CHST11: variants seen among roughly 807,000 people sequenced by gnomAD.
CHST11 encodes C4S-1.
CHST11 carries 9 observed loss-of-function variants against 30.4 expected under a neutral mutation model. The observed-to-expected ratio is 0.30, with a 90% confidence interval of 0.18 to 0.52. The LOEUF is 0.52. CHST11 is among the 20% of genes least tolerant of loss of function. The pLI, the probability that CHST11 is intolerant of heterozygous loss-of-function variation, is 0.97. For missense variants in CHST11, 348 were observed against 460.6 expected (o/e 0.76, Z 2.24); for synonymous variants, 152 against 187.8 (o/e 0.81, Z 1.56).
intron 1 of CHST11, among the ~76,000 whole-genome samples, chr12:104,493,530 A>G (rs969758262): frequency 2.6e-5 from 4 of 152,160 alleles, no homozygotes; most frequent in Admixed American, 6.5e-5. Context: ...TCCTGGTGAG[A>G]GGGGTGGAAA....
At chr12:104,603,498 C>G (rs1017369646) in intron 2 of CHST11, among the ~76,000 whole-genome samples, 1 of 152,220 alleles carries the variant, frequency 6.6e-6, no homozygotes, top group Non-Finnish European at 1.5e-5. Flanking sequence ...TAACACAGGG[C>G]TCTCAAATAC....
chr12:104,537,060 G>A (rs140908034), intron 1 of CHST11, among the ~76,000 whole-genome samples: 6 of 152,336 alleles, frequency 3.9e-5, no homozygotes, highest in African/African-American at 7.2e-5. Flanking sequence ...GTGCATGGCT[G>A]CCCTCTGGTT....
intron 1 of CHST11, among the ~76,000 whole-genome samples, chr12:104,548,115 G>A (rs1223358496): frequency 1.3e-5 from 2 of 152,204 alleles, no homozygotes; most frequent in Non-Finnish European, 2.9e-5. Flanking sequence ...CTTGTTGCCA[G>A]ACTGTAAACT....
At chr12:104,666,795 A>G (rs1477526405) in intron 2 of CHST11, among the ~76,000 whole-genome samples, 1 of 152,182 alleles carries the variant, frequency 6.6e-6, no homozygotes, top group African/African-American at 2.4e-5. Flanking sequence ...CTCATCAGAG[A>G]GGCGGGGCAA....
At chr12:104,609,138 G>C (rs142229294) in intron 2 of CHST11, among the ~76,000 whole-genome samples, 65 of 152,330 alleles carry the variant, frequency 4.3e-4, no homozygotes, top group African/African-American at 1.5e-3. Context: ...AGCAGACTTT[G>C]TACTGTCCCC....
intron 2 of CHST11, among the ~76,000 whole-genome samples, chr12:104,623,383 G>C (rs184623587): frequency 3.9e-5 from 6 of 152,226 alleles, no homozygotes; most frequent in South Asian, 2.1e-4. Context: ...TATTGCTGAT[G>C]TACGGTCGAG....
At chr12:104,690,741 A>G (rs1347715394) in intron 2 of CHST11, among the ~76,000 whole-genome samples, 1 of 152,178 alleles carries the variant, frequency 6.6e-6, no homozygotes, top group Admixed American at 6.5e-5. Flanking sequence ...AGGTGGGAGG[A>G]TCATCCAAGC....
chr12:104,672,212 AG>A (rs2039703539), intron 2 of CHST11, among the ~76,000 whole-genome samples: 1 of 151,222 alleles, frequency 6.6e-6, no homozygotes, highest in Non-Finnish European at 1.5e-5. Flanking sequence ...TGGCCTGCAC[AG>A]GGGGGTGGAC....
At chr12:104,620,548 G>C (rs980824279) in intron 2 of CHST11, among the ~76,000 whole-genome samples, 27 of 152,216 alleles carry the variant, frequency 1.8e-4, no homozygotes, top group African/African-American at 6.0e-4. Context: ...TGAGAGATCA[G>C]TACAGTAAAA....
intron 2 of CHST11, among the ~76,000 whole-genome samples, chr12:104,735,765 T>A (rs537900131): frequency 6.6e-6 from 1 of 152,186 alleles, no homozygotes; most frequent in Non-Finnish European, 1.5e-5. Context: ...AGGATGCAGA[T>A]GCTGGGTGCC....
chr12:104,607,085 A>T (rs1038003190), intron 2 of CHST11, among the ~76,000 whole-genome samples: 11 of 151,976 alleles, frequency 7.2e-5, no homozygotes, highest in Non-Finnish European at 1.2e-4. Context: ...TAAATAAATA[A>T]ATATATAAAT....
At chr12:104,490,742 C>A (rs1205118625) in intron 1 of CHST11, among the ~76,000 whole-genome samples, 1 of 152,070 alleles carries the variant, frequency 6.6e-6, no homozygotes, top group East Asian at 1.9e-4. Context: ...GGATTCTTCA[C>A]CAGAACTGAC....
chr12:104,505,406 A>C (rs1232547587), intron 1 of CHST11, among the ~76,000 whole-genome samples: 2 of 152,072 alleles, frequency 1.3e-5, no homozygotes, highest in Non-Finnish European at 2.9e-5. Flanking sequence ...TTCTAGACGA[A>C]CGTTTCTCAG....
chr12:104,718,117 G>T (rs537226930), intron 2 of CHST11, among the ~76,000 whole-genome samples: 1 of 152,176 alleles, frequency 6.6e-6, no homozygotes. Context: ...CTTACTATGC[G>T]AAAGGTACTT....
chr12:104,465,302 C>T (rs2037446997), intron 1 of CHST11, among the ~76,000 whole-genome samples: 1 of 152,160 alleles, frequency 6.6e-6, no homozygotes, highest in Non-Finnish European at 1.5e-5. Context: ...ATTTTCAGAG[C>T]CCAGGGCTTG....
At chr12:104,571,918 C>G (rs1447467164) in intron 1 of CHST11, among the ~76,000 whole-genome samples, 2 of 143,512 alleles carry the variant, frequency 1.4e-5, no homozygotes, top group Non-Finnish European at 3.0e-5. Context: ...GAGTTTTTAG[C>G]ATGAAGGGTT....
chr12:104,466,009 G>A (rs1329398566), intron 1 of CHST11, among the ~76,000 whole-genome samples: 4 of 151,860 alleles, frequency 2.6e-5, no homozygotes, highest in African/African-American at 9.7e-5. Context: ...ACAGGTGCCC[G>A]CCATCACGCC....
In CHST11 at chr12:104,760,834, G is replaced by C. The variant is rs943358703; in HGVS notation, c.*3031G>C. The stretch of plus-strand genomic sequence containing the variant: ...GATTCAACTGTTTTTGCAGAATGTA[G>C]AAAGTATTCTGTGTCCTTGGTTAAA... On this transcript the variant is annotated 3_prime_UTR_variant, in exon 3 of 3. Coordinates refer to ENST00000303694, the MANE Select transcript of CHST11 (RefSeq NM_018413.6). 6.6e-6 allele frequency: 1 copy of C among 152,232 alleles called. No individual in the cohort carries two copies. Among genetic ancestry groups the C allele is most frequent in the Admixed American group, 6.5e-5 (1 of 15,288 alleles). 9.4% of individuals were successfully genotyped at this position (152,232 alleles called of 1,614,324 possible).
chr12:104,507,735 C>T (rs555246703), intron 1 of CHST11, among the ~76,000 whole-genome samples: 1 of 152,318 alleles, frequency 6.6e-6, no homozygotes, highest in Admixed American at 6.5e-5. Flanking sequence ...TCTCTCTCAT[C>T]CTCCTCTAGT....
Sources: gnomAD v4.1 joint callset for allele counts (sites outside exome capture counted in the v4.1 genomes callset) on GRCh38, gnomAD v4.1.1 for gene constraint, MANE v1.5 for transcripts, NCBI Gene and HGNC (gene_info 2026-07-23, HGNC 2026-07-21) for gene names.